The following CUX1 variants were observed in gnomAD, a reference collection of about 807,000 sequenced individuals.
The protein encoded by CUX1 is cut like homeobox 1.
Under a neutral mutation model 158.8 loss-of-function variants are expected in CUX1, and 31 were observed. The observed-to-expected ratio is 0.20, with a 90% confidence interval of 0.15 to 0.26. The LOEUF (loss-of-function observed/expected upper bound fraction) is 0.26. CUX1 is among the 10% of genes least tolerant of loss of function. CUX1 has a pLI of 1.00. For missense variants in CUX1, 1,589 were observed against 2,014.6 expected, an observed-to-expected ratio of 0.79 and a Z score of 4.04; for synonymous variants, 879 against 862.1, an observed-to-expected ratio of 1.02 and a Z score of -0.34.
chr7:102,131,686 T>A (rs1381090000), intron 8 of CUX1, among the ~76,000 whole-genome samples: 2 of 151,438 alleles, frequency 1.3e-5, no homozygotes, highest in South Asian at 2.1e-4. Context: ...TTATTTTTTT[T>A]TTTTGAGACA....
Position 102,248,852 on chromosome 7 carries a change from A to ACAG in CUX1, c.4342_4344dup (p.Ser1448dup), listed in dbSNP as rs782496763. 4.0e-4 allele frequency: 497 copies of ACAG among 1,246,652 alleles called. 2 individuals are homozygous for ACAG. Among genetic ancestry groups the ACAG allele is most frequent in the South Asian group, 8.2e-4 (40 of 48,996 alleles). 77.2% of individuals were successfully genotyped at this position (1,246,652 alleles called of 1,614,324 possible). On this transcript the variant is annotated inframe_insertion, in exon 24 of 24. Coordinates refer to ENST00000292535, the MANE Select transcript of CUX1 (RefSeq NM_181552.4). This position sits in a 1 kb window ranked among gnomAD's most constrained non-coding sequence, Gnocchi z 5.8. ...CCGAGCTCCGCGCCGCCGCCCAGCA[A>ACAG]CAGCAGCAGCAGCAGCGCCCCCCGC...
intron 1 of CUX1, among the ~76,000 whole-genome samples, chr7:101,915,330 G>A (rs1019590555): frequency 4.6e-5 from 7 of 152,130 alleles, no homozygotes; most frequent in East Asian, 1.9e-4. Flanking sequence ...GTTGATTATC[G>A]GTTTGTTGCG....
At chr7:102,180,020 G>A (rs1792854926) in intron 11 of CUX1, among the ~76,000 whole-genome samples, 1 of 150,974 alleles carries the variant, frequency 6.6e-6, no homozygotes, top group African/African-American at 2.5e-5. Flanking sequence ...TTTTGTCGTT[G>A]TTGTTGTTGT....
At chr7:101,879,051 G>A (rs992899523) in intron 1 of CUX1, among the ~76,000 whole-genome samples, 1 of 152,196 alleles carries the variant, frequency 6.6e-6, no homozygotes, top group Non-Finnish European at 1.5e-5. Flanking sequence ...GTACTGTGCT[G>A]GAACCATCCT....
chr7:102,039,217 T>G (rs1304173874), intron 3 of CUX1, among the ~76,000 whole-genome samples: 1 of 152,096 alleles, frequency 6.6e-6, no homozygotes, highest in Non-Finnish European at 1.5e-5. Context: ...ATCTTACAGA[T>G]AAAAGGACTA....
intron 9 of CUX1, among the ~76,000 whole-genome samples, chr7:102,168,503 C>T (rs1554509421): frequency 6.6e-6 from 1 of 151,634 alleles, no homozygotes; most frequent in Non-Finnish European, 1.5e-5. Context: ...AAAAATTAGC[C>T]AGGCATGGTG....
chr7:102,122,466 G>A (rs1832151066), intron 8 of CUX1, among the ~76,000 whole-genome samples: 1 of 150,974 alleles, frequency 6.6e-6, no homozygotes, highest in South Asian at 2.1e-4. Context: ...TTTCATCTCT[G>A]TACAAGTATT....
intron 1 of CUX1, among the ~76,000 whole-genome samples, chr7:101,908,425 C>T (rs748217067): frequency 2.6e-5 from 4 of 152,078 alleles, no homozygotes; most frequent in South Asian, 2.1e-4. Flanking sequence ...GGATTACGGG[C>T]GTGAACCACT....
intron 23 of CUX1, among the ~76,000 whole-genome samples, chr7:102,243,654 A>AATAAT (rs1179749988): frequency 1.4e-5 from 2 of 142,218 alleles, no homozygotes; most frequent in Non-Finnish European, 3.1e-5. Flanking sequence ...TAATAATAAT[A>AATAAT]ATAATAATAA....
intron 14 of CUX1, among the ~76,000 whole-genome samples, chr7:102,269,915 A>G (rs561036176): frequency 6.6e-6 from 1 of 152,024 alleles, no homozygotes; most frequent in African/African-American, 2.4e-5. Flanking sequence ...ACCCCACCAC[A>G]CACATGCCCT....
chr7:102,152,937 T>G (rs1554503986), intron 8 of CUX1, among the ~76,000 whole-genome samples: 1 of 152,220 alleles, frequency 6.6e-6, no homozygotes, highest in African/African-American at 2.4e-5. Flanking sequence ...GTGCAGTCCT[T>G]GTTATCACAT....
chr7:102,089,499 C>G (rs1032755448), intron 4 of CUX1, among the ~76,000 whole-genome samples: 8 of 152,084 alleles, frequency 5.3e-5, no homozygotes, highest in Admixed American at 3.9e-4. Context: ...TATGGGCAAG[C>G]CTTGAAGATG....
Position 102,216,656 on chromosome 7 carries a change from CT to C in CUX1, c.3131-10710del, listed in dbSNP as rs1554524861. On this transcript the variant is annotated intron_variant, in intron 20 of 23. Coordinates refer to ENST00000292535, the MANE Select transcript of CUX1 (RefSeq NM_181552.4). ...CCCCACACACGCACACACACACACT[CT>C]CCCACACACACTCACACACACACAC... 5.7e-3 allele frequency among the ~76,000 whole-genome samples: 218 copies of C among 38,102 alleles called. No individual in the cohort carries two copies. The South Asian group carries it at 0.081, about 14-fold the overall frequency. The allele number at this position is 38,102 out of a possible 152,430, so 25.0% of individuals were successfully genotyped here.
At chr7:102,187,148 C>T (rs967418159) in intron 11 of CUX1, 4 of 152,160 alleles carry the variant, frequency 2.6e-5, no homozygotes, top group African/African-American at 9.7e-5. Flanking sequence ...AATCACAGGC[C>T]TTCAAAGAAG....
intron 3 of CUX1, among the ~76,000 whole-genome samples, chr7:102,030,689 G>GTTTTTTTTTTTTTTTTTTTTGTTTTT (rs1585341128): frequency 1.2e-5 from 1 of 82,540 alleles, no homozygotes. Flanking sequence ...ATTTTAAAAA[G>GTTTTTTTTTTTTTTTTTTTTGTTTTT]TGTTTTTTTT....
At chr7:101,923,684 A>T (rs1274669095) in intron 2 of CUX1, among the ~76,000 whole-genome samples, 1 of 152,164 alleles carries the variant, frequency 6.6e-6, no homozygotes, top group Non-Finnish European at 1.5e-5. Context: ...CGGTGCTCAC[A>T]GTCTGTGTCT....
At chr7:102,205,886 C>G (rs1366915075) in intron 20 of CUX1, among the ~76,000 whole-genome samples, 1 of 152,256 alleles carries the variant, frequency 6.6e-6, no homozygotes, top group East Asian at 1.9e-4. Context: ...TCTGCGCCCC[C>G]CCGCCTCCCT....
rs1412349948 is a variant in CUX1 at position 102,255,855 on chromosome 7, T to A, written c.*6813T>A. ...TTATTTTATTATTTTTTTTGTACTT[T>A]GCTTTAAACGGAAAGCACTTAAATA... On this transcript the variant is annotated 3_prime_UTR_variant, in exon 24 of 24. Transcript: ENST00000292535. 1 of 984,326 alleles carries A rather than the reference T, an allele frequency of 1.0e-6. No individual in the cohort carries two copies. The highest frequency in any genetic ancestry group is 1.1e-4 in the East Asian group (1 of 8,832). The allele number at this position is 984,326 out of a possible 1,614,324, so 61.0% of individuals were successfully genotyped here.
At chr7:102,009,115 T>C (rs567679468) in intron 2 of CUX1, among the ~76,000 whole-genome samples, 2 of 152,310 alleles carry the variant, frequency 1.3e-5, no homozygotes, top group Admixed American at 6.5e-5. Flanking sequence ...CAGCATGGTG[T>C]AGTAGCTTTG....
Sources: gnomAD v4.1 joint callset for allele counts (sites outside exome capture counted in the v4.1 genomes callset) on GRCh38, gnomAD v4.1.1 for gene constraint, Gnocchi (gnomAD v3.1) non-coding constraint, MANE v1.5 for transcripts, NCBI Gene and HGNC (gene_info 2026-07-23, HGNC 2026-07-21) for gene names.